The following EFCAB5 variants were observed in gnomAD, a reference collection of about 807,000 sequenced individuals.
EFCAB5 encodes EF-hand calcium binding domain 5, also known as EF-hand calcium-binding domain-containing protein 5.
In EFCAB5, 131 loss-of-function variants were observed where a neutral mutation model predicts 167.9. The ratio of observed to expected loss-of-function variants is 0.78; its 90% CI spans 0.68 to 0.90. EFCAB5 has a LOEUF of 0.90. EFCAB5 is among the 40% of genes least tolerant of loss of function. EFCAB5 has a pLI of 0.00. For missense variants in EFCAB5, 1,663 were observed against 1,745.2 expected (o/e 0.95, Z 0.84); for synonymous variants, 574 against 602.8 (o/e 0.95, Z 0.70).
chr17:30,022,364 C>A (rs1405691947), intron 7 of EFCAB5, among the ~76,000 whole-genome samples: 1 of 151,988 alleles, frequency 6.6e-6, no homozygotes, highest in Non-Finnish European at 1.5e-5. Flanking sequence ...AGGGTAGAAC[C>A]AGAGAAGGAG....
intron 7 of EFCAB5, among the ~76,000 whole-genome samples, chr17:30,020,434 G>A (rs1354580693): frequency 2.0e-5 from 3 of 147,152 alleles, no homozygotes; most frequent in East Asian, 2.0e-4. Flanking sequence ...GCATGATCTC[G>A]ATTCACTGCA....
At chr17:30,000,202 C>G (rs911014386) in intron 7 of EFCAB5, among the ~76,000 whole-genome samples, 3 of 152,086 alleles carry the variant, frequency 2.0e-5, no homozygotes, top group South Asian at 2.1e-4. Flanking sequence ...CCACTGACAC[C>G]TTCTGGTAAG....
At chr17:30,096,983 T>TATATACATATACATATAC (rs71138872) in intron 22 of EFCAB5, among the ~76,000 whole-genome samples, 48 of 103,756 alleles carry the variant, frequency 4.6e-4, no homozygotes, top group Admixed American at 5.6e-4. Flanking sequence ...CGGTCACAAT[T>TATATACATATACATATAC]ATATACATAT....
intron 8 of EFCAB5, among the ~76,000 whole-genome samples, chr17:30,048,634 C>T (rs992792582): frequency 4.0e-5 from 6 of 151,796 alleles, no homozygotes; most frequent in East Asian, 1.9e-4. Flanking sequence ...AGTTAGGACA[C>T]GTGCCACCAT....
chr17:29,931,489 C>G (rs532189133), intron 1 of EFCAB5, among the ~76,000 whole-genome samples: 17 of 152,100 alleles, frequency 1.1e-4, no homozygotes, highest in Non-Finnish European at 2.5e-4. Flanking sequence ...ACTGTACAGT[C>G]CTATGTAGAG....
At chr17:29,979,722 A>T (rs1258573822) in intron 4 of EFCAB5, among the ~76,000 whole-genome samples, 1 of 152,168 alleles carries the variant, frequency 6.6e-6, no homozygotes, top group Non-Finnish European at 1.5e-5. Flanking sequence ...GGCTCATGTC[A>T]GCCCCCTTAG....
At chr17:29,947,788 A>G (rs938505932) in intron 3 of EFCAB5, among the ~76,000 whole-genome samples, 1 of 151,998 alleles carries the variant, frequency 6.6e-6, no homozygotes, top group Non-Finnish European at 1.5e-5. Context: ...CTTTACCTTA[A>G]TCGCTTGGGC....
At chr17:30,034,095 A>G in intron 7 of EFCAB5, 135 bp from the exon 8 acceptor site, 2 of 1,073,672 alleles carry the variant, frequency 1.9e-6, no homozygotes, top group South Asian at 3.3e-5. Context: ...AAAATGCTTC[A>G]TCTAAGTGAT....
intron 14 of EFCAB5, among the ~76,000 whole-genome samples, chr17:30,068,454 C>G (rs183852225): frequency 5.9e-5 from 9 of 152,174 alleles, no homozygotes; most frequent in Admixed American, 5.2e-4. Context: ...TGAAAGACGT[C>G]TACAAGGAAA....
intron 3 of EFCAB5, chr17:29,950,653 T>G (rs1281851515): frequency 2.0e-5 from 3 of 152,190 alleles, no homozygotes; most frequent in Admixed American, 6.6e-5. Context: ...GGATTACAGA[T>G]GTGAGCCACT....
chr17:30,058,442 A>G (rs774524351), intron 13 of EFCAB5, among the ~76,000 whole-genome samples: 1 of 152,122 alleles, frequency 6.6e-6, no homozygotes, highest in Non-Finnish European at 1.5e-5. Flanking sequence ...AGTCTTTTCA[A>G]CCTAATTCTA....
chr17:29,938,329 C>T (rs534127929), upstream of EFCAB5, among the ~76,000 whole-genome samples: 3 of 152,306 alleles, frequency 2.0e-5, no homozygotes, highest in Admixed American at 1.3e-4. Context: ...TGCTAACAAT[C>T]GTATGAGCCT....
chr17:30,051,592 T>C (rs1015342837), intron 9 of EFCAB5, among the ~76,000 whole-genome samples: 1 of 152,194 alleles, frequency 6.6e-6, no homozygotes, highest in African/African-American at 2.4e-5. Context: ...GTCTTACTCT[T>C]CTCACCCAGG....
intron 14 of EFCAB5, among the ~76,000 whole-genome samples, chr17:30,071,636 C>T (rs1045933532): frequency 1.3e-5 from 2 of 152,074 alleles, no homozygotes; most frequent in Non-Finnish European, 2.9e-5. Context: ...GATCTAATCT[C>T]ACTCAAAGTA....
intron 8 of EFCAB5, among the ~76,000 whole-genome samples, chr17:30,044,032 T>C (rs1029200139): frequency 6.6e-6 from 1 of 152,150 alleles, no homozygotes; most frequent in Non-Finnish European, 1.5e-5. Flanking sequence ...TTATGATATA[T>C]TTAATGACAA....
At chr17:30,061,324 T>C (rs1475808849) in intron 14 of EFCAB5, among the ~76,000 whole-genome samples, 6 of 152,220 alleles carry the variant, frequency 3.9e-5, no homozygotes, top group African/African-American at 1.4e-4. Context: ...AGATTTATGC[T>C]CTTTAAAAAG....
intron 7 of EFCAB5, among the ~76,000 whole-genome samples, chr17:30,016,891 T>C (rs1465791740): frequency 6.6e-6 from 1 of 152,014 alleles, no homozygotes; most frequent in African/African-American, 2.4e-5. Context: ...AACAATAGAA[T>C]AACAGCCAGC....
At chr17:29,999,280 T>C (rs1243672401) in intron 6 of EFCAB5, among the ~76,000 whole-genome samples, 1 of 152,034 alleles carries the variant, frequency 6.6e-6, no homozygotes, top group Admixed American at 6.6e-5. Flanking sequence ...AAAATGATCA[T>C]ATTTATAAGT....
At chr17:29,977,497 A>G (rs1444384970) in intron 4 of EFCAB5, among the ~76,000 whole-genome samples, 1 of 152,176 alleles carries the variant, frequency 6.6e-6, no homozygotes, top group Non-Finnish European at 1.5e-5. Context: ...AAGTAGATCT[A>G]AGAGACCCCA....
Sources: gnomAD v4.1 joint callset for allele counts (sites outside exome capture counted in the v4.1 genomes callset) on GRCh38, gnomAD v4.1.1 for gene constraint, MANE v1.5 for transcripts, NCBI Gene and HGNC (gene_info 2026-07-23, HGNC 2026-07-21) for gene names.